Variants in EYS observed in about 807,000 individuals in gnomAD.
EYS encodes the protein protein eyes shut homolog.
EYS carries 250 observed loss-of-function variants against 282.1 expected under a neutral mutation model. The observed-to-expected ratio is 0.89, with a 90% CI of 0.80 to 0.98. The LOEUF (loss-of-function observed/expected upper bound fraction) is 0.98, where lower values mean the gene tolerates loss of function less well. Ranked by LOEUF, EYS falls within the 50% of genes least tolerant of loss-of-function variation. The pLI, the probability that EYS is intolerant of heterozygous loss-of-function variation, is 0.00. For synonymous variants in EYS, 1,355 were observed against 1,282.9 expected (o/e 1.06, Z -1.20); for missense variants, 4,016 against 3,709.0 (o/e 1.08, Z -2.15).
intron 8 of EYS, among the ~76,000 whole-genome samples, chr6:65,359,046 G>C (rs1267239541): frequency 6.6e-6 from 1 of 152,056 alleles, no homozygotes; most frequent in South Asian, 2.1e-4. Context: ...CTAATTAAAT[G>C]GTACATATTA....
At position 64,098,299 on chromosome 6, in the gene EYS, G is replaced by A. The variant is rs116621735; in HGVS notation, c.6425-16297C>T. Among the ~76,000 whole-genome samples the A allele has an allele frequency of 5.1e-3, 770 of 152,200 alleles. 7 individuals carry two copies. Among genetic ancestry groups the A allele is most frequent in the Non-Finnish European group, 5.6e-3 (383 of 68,004 alleles). Reference sequence around the variant, plus strand: ...ATCAAAAGTATGAATTATGATACAGGTATAGAAAGGAATACTATAGAGCAG... The same window carrying A: ...ATCAAAAGTATGAATTATGATACAGATATAGAAAGGAATACTATAGAGCAG... On this transcript the variant is annotated intron_variant, in intron 31 of 42. Coordinates refer to ENST00000503581, the MANE Select transcript of EYS (RefSeq NM_001142800.2).
At chr6:65,408,419 A>C (rs1256111379) in intron 5 of EYS, among the ~76,000 whole-genome samples, 2 of 152,006 alleles carry the variant, frequency 1.3e-5, no homozygotes, top group African/African-American at 4.8e-5. Context: ...GCAGGTCTAT[A>C]TGAATTTTCC....
intron 2 of EYS, among the ~76,000 whole-genome samples, chr6:65,572,045 T>C (rs562288216): frequency 1.3e-5 from 2 of 152,074 alleles, no homozygotes; most frequent in African/African-American, 2.4e-5. Flanking sequence ...AAATCTTCTC[T>C]GGTGAATATC....
intron 33 of EYS, among the ~76,000 whole-genome samples, chr6:64,035,498 T>G (rs894241798): frequency 3.9e-5 from 6 of 152,196 alleles, no homozygotes; most frequent in African/African-American, 1.4e-4. Flanking sequence ...GAGCCAGGTC[T>G]TGCAAATACT....
At chr6:65,229,169 T>C (rs1766704984) in intron 12 of EYS, among the ~76,000 whole-genome samples, 1 of 151,950 alleles carries the variant, frequency 6.6e-6, no homozygotes, top group South Asian at 2.1e-4. Context: ...GAATGCTTCA[T>C]TGGATAATGC....
chr6:64,092,365 C>A (rs1772398456), intron 31 of EYS, among the ~76,000 whole-genome samples: 1 of 152,192 alleles, frequency 6.6e-6, no homozygotes, highest in African/African-American at 2.4e-5. Flanking sequence ...TACAATCCCA[C>A]CAACAGAGTA....
At chr6:63,827,597 C>G (rs1771505431) in intron 36 of EYS, among the ~76,000 whole-genome samples, 1 of 152,112 alleles carries the variant, frequency 6.6e-6, no homozygotes, top group African/African-American at 2.4e-5. Context: ...GTAATCCTAG[C>G]ACTTTGGGAG....
intron 8 of EYS, among the ~76,000 whole-genome samples, chr6:65,365,035 T>C (rs1471542406): frequency 6.6e-6 from 1 of 151,600 alleles, no homozygotes; most frequent in Non-Finnish European, 1.5e-5. Context: ...TTGAGATAGA[T>C]TGCTTAAAAA....
chr6:64,471,558 CA>C (rs70999151), intron 26 of EYS, among the ~76,000 whole-genome samples: 45,627 of 151,886 alleles, frequency 0.3, 6,900 homozygotes, highest in East Asian at 0.47. Flanking sequence ...AGGGAAACAA[CA>C]AAACACTGAT....
At chr6:63,873,526 G>A (rs749005755) in intron 35 of EYS, among the ~76,000 whole-genome samples, 4 of 152,170 alleles carry the variant, frequency 2.6e-5, no homozygotes, top group Non-Finnish European at 5.9e-5. Context: ...CCAGTAATGG[G>A]ATCGTTGGGT....
intron 41 of EYS, among the ~76,000 whole-genome samples, chr6:63,737,696 T>C (rs1424543313): frequency 6.6e-6 from 1 of 152,170 alleles, no homozygotes; most frequent in Non-Finnish European, 1.5e-5. Context: ...TGGTAGAATT[T>C]GGCTGTGAAT....
chr6:65,037,871 A>C (rs1772816527), intron 13 of EYS, among the ~76,000 whole-genome samples: 1 of 151,692 alleles, frequency 6.6e-6, no homozygotes, highest in Non-Finnish European at 1.5e-5. Flanking sequence ...TTATGTTTCT[A>C]TGCCTGTGTA....
chr6:65,300,742 T>C (rs995535695), intron 11 of EYS: 19 of 152,230 alleles, frequency 1.2e-4, no homozygotes, highest in Admixed American at 6.5e-5. Context: ...TCTCTAATTC[T>C]CTCAGAGTCT....
intron 11 of EYS, among the ~76,000 whole-genome samples, chr6:65,319,215 A>AAC (rs1769401674): frequency 6.8e-6 from 1 of 146,994 alleles, no homozygotes; most frequent in South Asian, 2.1e-4. Flanking sequence ...AAAAAAAAAA[A>AAC]AAAAAAAAAA....
intron 36 of EYS, among the ~76,000 whole-genome samples, chr6:63,834,437 C>T (rs1319153528): frequency 6.6e-6 from 1 of 151,998 alleles, no homozygotes; most frequent in African/African-American, 2.4e-5. Context: ...ATACAGGCAA[C>T]AGACACATGA....
intron 29 of EYS, among the ~76,000 whole-genome samples, chr6:64,318,291 T>C (rs1391203671): frequency 6.6e-6 from 1 of 152,086 alleles, no homozygotes; most frequent in Non-Finnish European, 1.5e-5. Flanking sequence ...TTACAATATT[T>C]AATTCTCTCT....
At chr6:65,526,040 A>T (rs1416831860) in intron 2 of EYS, among the ~76,000 whole-genome samples, 1 of 152,214 alleles carries the variant, frequency 6.6e-6, no homozygotes, top group African/African-American at 2.4e-5. Context: ...GAGACTGAGA[A>T]GTCCAAGGTC....
rs536448184 is a variant in EYS at position 64,327,502 on chromosome 6, A to G, written c.6079-20420T>C. ...TGTAGGGTAGCTGGCTGAAGGGACA[A>G]TAGACAGGGAAATAATGGGCCAAGT... On this transcript the variant is annotated intron_variant, in intron 29 of 42. Coordinates refer to ENST00000503581, the MANE Select transcript of EYS (RefSeq NM_001142800.2). 1.2e-4 allele frequency among the ~76,000 whole-genome samples: 19 copies of G among 152,280 alleles called. No homozygotes were observed. The South Asian group carries it at 3.9e-3, about 32-fold the overall frequency.
At chr6:63,891,966 A>G (rs1293389792) in intron 35 of EYS, among the ~76,000 whole-genome samples, 1 of 152,206 alleles carries the variant, frequency 6.6e-6, no homozygotes, top group East Asian at 1.9e-4. Flanking sequence ...CTATGAGCAA[A>G]CTCACATTTA....
Sources: allele counts gnomAD v4.1 joint callset (sites outside exome capture counted in the v4.1 genomes callset), GRCh38; gene constraint gnomAD v4.1.1; transcripts MANE v1.5; gene names NCBI Gene and HGNC (gene_info 2026-07-23, HGNC 2026-07-21).